Variants in SPRR2G observed in about 807,000 individuals in gnomAD.
SPRR2G encodes small proline-rich protein 2G.
SPRR2G carries 1 observed loss-of-function variant against 0.7 expected under a neutral mutation model. The ratio of observed to expected loss-of-function variants is 1.49; its 90% confidence interval spans 0.53 to 7.06. The LOEUF (loss-of-function observed/expected upper bound fraction) is 7.06. SPRR2G is among the 30% of genes most tolerant of loss of function. The pLI, the probability that SPRR2G is intolerant of heterozygous loss-of-function variation, is 0.14. For synonymous variants in SPRR2G, 38 were observed against 33.9 expected, an observed-to-expected ratio of 1.12 and a Z score of -0.42; for missense variants, 96 against 88.5, an observed-to-expected ratio of 1.09 and a Z score of -0.34.
At chr1:153,186,167 G>T in the SPRR2G span, among the ~76,000 whole-genome samples, 1 of 152,136 alleles carries the variant, frequency 6.6e-6, no homozygotes, top group Non-Finnish European at 1.5e-5. Context: ...GTGCATTGTG[G>T]TGCTGAGAGG....
At chr1:153,176,443 A>T in the SPRR2G span, 2 of 152,174 alleles carry the variant, frequency 1.3e-5, no homozygotes, top group Admixed American at 1.3e-4. Context: ...AATAAGACAG[A>T]CTTGGAAACT....
chr1:153,186,217 A>C, the SPRR2G span, among the ~76,000 whole-genome samples: 1 of 152,180 alleles, frequency 6.6e-6, no homozygotes, highest in Non-Finnish European at 1.5e-5. Flanking sequence ...AGTTCTGTAG[A>C]TGTCTATTAG....
chr1:153,157,269 C>A, the SPRR2G span, among the ~76,000 whole-genome samples: 1 of 152,066 alleles, frequency 6.6e-6, no homozygotes, highest in South Asian at 2.1e-4. Context: ...TGATGATCAT[C>A]TTGTGGCTAT....
chr1:153,197,350 A>G, the SPRR2G span, among the ~76,000 whole-genome samples: 1 of 152,086 alleles, frequency 6.6e-6, no homozygotes, highest in South Asian at 2.1e-4. Context: ...TACACAGCCC[A>G]GCGGTACCTG....
At chr1:153,187,729 A>T in the SPRR2G span, among the ~76,000 whole-genome samples, 1 of 152,052 alleles carries the variant, frequency 6.6e-6, no homozygotes, top group African/African-American at 2.4e-5. Flanking sequence ...TGCTCCATCC[A>T]GTTTTATGCC....
At chr1:153,150,719 A>G (rs1425037519) in intron 1 of SPRR2G, 133 bp downstream of exon 1, 1 of 156,310 alleles carries the variant, frequency 6.4e-6, no homozygotes, top group African/African-American at 2.4e-5. Flanking sequence ...GCTAAAATTT[A>G]CCTTCAAGAC....
At chr1:153,194,675 A>G in the SPRR2G span, among the ~76,000 whole-genome samples, 3 of 152,050 alleles carry the variant, frequency 2.0e-5, no homozygotes, top group Admixed American at 6.5e-5. Context: ...TGCTTCCCAA[A>G]CTTTTTGCTT....
upstream of SPRR2G, among the ~76,000 whole-genome samples, chr1:153,152,601 C>A (rs1048852157): frequency 7.2e-5 from 11 of 152,170 alleles, no homozygotes; most frequent in African/African-American, 2.4e-4. Flanking sequence ...CTCCCTAGTA[C>A]TCTGAAACTA....
At chr1:153,199,997 G>A in the SPRR2G span, among the ~76,000 whole-genome samples, 1 of 152,066 alleles carries the variant, frequency 6.6e-6, no homozygotes. Context: ...AAGCAGCGAG[G>A]GAGATTCTAA....
chr1:153,169,021 A>G, the SPRR2G span, among the ~76,000 whole-genome samples: 1 of 152,080 alleles, frequency 6.6e-6, no homozygotes, highest in Admixed American at 6.6e-5. Flanking sequence ...GACTAAGTGG[A>G]CCCGCTCTTG....
At chr1:153,170,268 T>C in the SPRR2G span, among the ~76,000 whole-genome samples, 1 of 152,206 alleles carries the variant, frequency 6.6e-6, no homozygotes, top group Non-Finnish European at 1.5e-5. Context: ...ACTGGATCAA[T>C]TATTACTCCA....
chr1:153,185,610 C>A, the SPRR2G span, among the ~76,000 whole-genome samples: 1 of 151,962 alleles, frequency 6.6e-6, no homozygotes, highest in East Asian at 1.9e-4. Flanking sequence ...TCTCTCTTTT[C>A]TTCTTTGTTA....
chr1:153,187,558 T>G, the SPRR2G span, among the ~76,000 whole-genome samples: 705 of 152,166 alleles, frequency 4.6e-3, 5 homozygotes, highest in African/African-American at 0.017. Flanking sequence ...ATCAGGTCAT[T>G]TATCTTCTTC....
the SPRR2G span, among the ~76,000 whole-genome samples, chr1:153,180,833 T>A: frequency 2.6e-5 from 4 of 152,198 alleles, no homozygotes; most frequent in Non-Finnish European, 4.4e-5. Context: ...AGATAACACG[T>A]TGTGACTTGA....
At chr1:153,156,991 C>T in the SPRR2G span, among the ~76,000 whole-genome samples, 1 of 152,132 alleles carries the variant, frequency 6.6e-6, no homozygotes, top group African/African-American at 2.4e-5. Flanking sequence ...CAGAGCTCCT[C>T]AATTTACAGG....
the SPRR2G span, among the ~76,000 whole-genome samples, chr1:153,163,712 C>A: frequency 0.022 from 3,356 of 152,258 alleles, 111 homozygotes; most frequent in East Asian, 0.1. Flanking sequence ...CGAGTCTTCA[C>A]CCCATCCATG....
At chr1:153,156,776 T>G in the SPRR2G span, among the ~76,000 whole-genome samples, 1 of 152,088 alleles carries the variant, frequency 6.6e-6, no homozygotes, top group Non-Finnish European at 1.5e-5. Context: ...ATGCAAAAAT[T>G]AGTACAAATT....
Position 153,149,869 on chromosome 1 carries a change from C to A in SPRR2G, c.*20G>T. The A allele has an allele frequency of 6.2e-7, 1 of 1,613,752 alleles. No individual in the cohort carries two copies. The highest frequency in any genetic ancestry group is 1.1e-5 in the South Asian group (1 of 91,062). On this transcript the variant is annotated 3_prime_UTR_variant, in exon 2 of 2. Transcript: ENST00000368748. ...CCACTGGATCTTGTTGTTTCATGGT[C>A]CTGATGAATTCTAGTGATGTTACTT...
chr1:153,153,975 A>G (rs1401020212), upstream of SPRR2G, among the ~76,000 whole-genome samples: 3 of 152,102 alleles, frequency 2.0e-5, no homozygotes, highest in Non-Finnish European at 2.9e-5. Context: ...GGCCTTTATT[A>G]TGTTGAGATA....
Sources: allele counts gnomAD v4.1 joint callset (sites outside exome capture counted in the v4.1 genomes callset), GRCh38; gene constraint gnomAD v4.1.1; transcripts MANE v1.5; gene names NCBI Gene and HGNC (gene_info 2026-07-23, HGNC 2026-07-21).